Variants in ITPK1 observed in about 807,000 individuals in gnomAD.
The protein encoded by ITPK1 is inositol 1,3,4-trisphosphate 5/6-kinase.
A neutral mutation model predicts 45.3 loss-of-function variants in ITPK1; 21 were observed. That is an observed-to-expected ratio of 0.46 (90% CI 0.33 to 0.67). The LOEUF (loss-of-function observed/expected upper bound fraction) is 0.67, where lower values mean the gene tolerates loss of function less well. Ranked by LOEUF, ITPK1 falls within the 30% of genes least tolerant of loss-of-function variation. The pLI is 0.02. For synonymous variants in ITPK1, 258 were observed against 253.6 expected, an observed-to-expected ratio of 1.02 and a Z score of -0.16; for missense variants, 474 against 573.5, an observed-to-expected ratio of 0.83 and a Z score of 1.77.
At chr14:93,105,828 C>T (rs983110431) in intron 2 of ITPK1, among the ~76,000 whole-genome samples, 1 of 151,930 alleles carries the variant, frequency 6.6e-6, no homozygotes, top group Non-Finnish European at 1.5e-5. Flanking sequence ...CTCAGCCTCC[C>T]GAGCAGCTGG....
chr14:92,970,864 T>C (rs1214262281), intron 5 of ITPK1, among the ~76,000 whole-genome samples: 2 of 152,160 alleles, frequency 1.3e-5, no homozygotes, highest in Non-Finnish European at 1.5e-5. Context: ...CTCGATCTCC[T>C]GACCCCGTGA....
chr14:93,028,108 G>A (rs746259679), intron 3 of ITPK1, among the ~76,000 whole-genome samples: 3 of 152,196 alleles, frequency 2.0e-5, no homozygotes, highest in South Asian at 2.1e-4. Flanking sequence ...CCTTGCACAC[G>A]CACAGGAGCC....
chr14:93,061,421 G>A (rs1566763271), intron 3 of ITPK1, among the ~76,000 whole-genome samples: 1 of 152,170 alleles, frequency 6.6e-6, no homozygotes, highest in African/African-American at 2.4e-5. Flanking sequence ...ACAATTGCAA[G>A]GGGAGAAAAG....
At chr14:93,083,981 C>G (rs143465762) in intron 2 of ITPK1, among the ~76,000 whole-genome samples, 116 of 152,346 alleles carry the variant, frequency 7.6e-4, no homozygotes, top group African/African-American at 2.8e-3. Flanking sequence ...GGCAATTTCC[C>G]TCCTGGACAC....
intron 5 of ITPK1, among the ~76,000 whole-genome samples, chr14:92,974,165 G>A (rs1204702091): frequency 6.6e-6 from 1 of 152,120 alleles, no homozygotes; most frequent in Non-Finnish European, 1.5e-5. Context: ...CCTGAAGTTG[G>A]GGGCCCCTGG....
At chr14:93,017,980 G>A (rs1888271029) in intron 3 of ITPK1, among the ~76,000 whole-genome samples, 1 of 152,116 alleles carries the variant, frequency 6.6e-6, no homozygotes, top group Non-Finnish European at 1.5e-5. Context: ...GGTGAAGTGG[G>A]GACACAAACT....
At chr14:93,005,252 A>T (rs1470408907) in intron 4 of ITPK1, among the ~76,000 whole-genome samples, 1 of 152,214 alleles carries the variant, frequency 6.6e-6, no homozygotes, top group South Asian at 2.1e-4. Context: ...TCTTTTATAC[A>T]GTGATCTCTG....
intron 3 of ITPK1, among the ~76,000 whole-genome samples, chr14:93,030,704 C>T (rs1391501950): frequency 6.6e-5 from 10 of 152,138 alleles, no homozygotes; most frequent in East Asian, 5.8e-4. Flanking sequence ...AGGCCTGGTA[C>T]AGGCTAAACT....
intron 3 of ITPK1, among the ~76,000 whole-genome samples, chr14:93,048,088 C>A (rs531687234): frequency 2.6e-5 from 4 of 152,166 alleles, no homozygotes; most frequent in South Asian, 2.1e-4. Flanking sequence ...CTACTTACAA[C>A]CTGAAGAGGC....
At chr14:93,100,795 T>A (rs543208760) in intron 2 of ITPK1, among the ~76,000 whole-genome samples, 2 of 152,114 alleles carry the variant, frequency 1.3e-5, no homozygotes, top group Non-Finnish European at 2.9e-5. Context: ...GAGACCCCAA[T>A]GACTCATCAC....
chr14:92,958,453 C>T lies in ITPK1; in HGVS notation c.505-87G>A, dbSNP rs768778004. On this transcript the variant is annotated intron_variant, in intron 7 of 10. Coordinates refer to ENST00000267615, the MANE Select transcript of ITPK1 (RefSeq NM_014216.6). This position sits in a 1 kb window ranked among gnomAD's most constrained non-coding sequence, Gnocchi z 4.4. ...CAGGTGTGTCACCTGTCCAGAGCAC[C>T]TCCACCAAGGCCCATCCCTGGTCCT... 11 of 1,327,502 alleles carry T rather than the reference C, an allele frequency of 8.3e-6. No homozygotes were observed. The highest frequency in any genetic ancestry group is 1.2e-5 in the Non-Finnish European group (11 of 940,786). The allele number at this position is 1,327,502 out of a possible 1,614,324, so 82.2% of individuals were successfully genotyped here.
chr14:92,993,102 C>G lies in ITPK1; in HGVS notation c.364+778G>C, dbSNP rs115396351. On this transcript the variant is annotated intron_variant, in intron 5 of 10. Coordinates refer to ENST00000267615, the MANE Select transcript of ITPK1 (RefSeq NM_014216.6). ...AGGGTTCAAGGCAGCCAGGTTAGGCCTCAATCATGGTCTGTAGGGCAGGGA... is the reference window on the plus strand; with the variant it reads ...AGGGTTCAAGGCAGCCAGGTTAGGCGTCAATCATGGTCTGTAGGGCAGGGA... Among the ~76,000 whole-genome samples, 857 of 152,314 alleles carry G rather than the reference C, an allele frequency of 5.6e-3. 8 individuals carry two copies. Among genetic ancestry groups the G allele is most frequent in the African/African-American group, 0.019 (810 of 41,572 alleles).
intron 3 of ITPK1, among the ~76,000 whole-genome samples, chr14:93,061,473 A>G (rs892883566): frequency 8.5e-5 from 13 of 152,162 alleles, no homozygotes; most frequent in African/African-American, 2.9e-4. Flanking sequence ...CCCCAGCCTC[A>G]TGGGCAGAGA....
intron 7 of ITPK1, among the ~76,000 whole-genome samples, chr14:92,959,719 A>G (rs905934789): frequency 3.3e-5 from 5 of 152,160 alleles, no homozygotes; most frequent in Non-Finnish European, 4.4e-5. Context: ...TAAAAAAAAA[A>G]AAAGATTCCA....
intron 4 of ITPK1, among the ~76,000 whole-genome samples, chr14:93,015,349 A>G (rs1392833124): frequency 6.6e-6 from 1 of 152,220 alleles, no homozygotes; most frequent in East Asian, 1.9e-4. Flanking sequence ...AGTGCTGATC[A>G]GCCCAGCCCT....
intron 2 of ITPK1, among the ~76,000 whole-genome samples, chr14:93,081,300 C>T (rs915217565): frequency 6.6e-6 from 1 of 151,788 alleles, no homozygotes; most frequent in African/African-American, 2.4e-5. Context: ...TGCCACTGCA[C>T]TCCAGCCTGG....
chr14:93,101,693 A>G (rs940811937), intron 2 of ITPK1, among the ~76,000 whole-genome samples: 1 of 152,208 alleles, frequency 6.6e-6, no homozygotes, highest in Admixed American at 6.5e-5. Context: ...TACTAAAAAT[A>G]CAAAAAATTA....
chr14:92,969,639 C>T (rs752492626), intron 5 of ITPK1, among the ~76,000 whole-genome samples: 3 of 152,196 alleles, frequency 2.0e-5, no homozygotes, highest in Non-Finnish European at 4.4e-5. Flanking sequence ...CCCTCTCGAT[C>T]ACGAGAAGCT....
chr14:93,102,593 T>C (rs1892365225), intron 2 of ITPK1, among the ~76,000 whole-genome samples: 1 of 150,600 alleles, frequency 6.6e-6, no homozygotes, highest in Non-Finnish European at 1.5e-5. Context: ...GAGGTGGAGG[T>C]TGCAGTGAGC....
Sources: gnomAD v4.1 joint callset for allele counts (sites outside exome capture counted in the v4.1 genomes callset) on GRCh38, gnomAD v4.1.1 for gene constraint, Gnocchi (gnomAD v3.1) non-coding constraint, MANE v1.5 for transcripts, NCBI Gene and HGNC (gene_info 2026-07-23, HGNC 2026-07-21) for gene names.